TMEM50A: variants seen among roughly 807,000 people sequenced by gnomAD.
The protein encoded by TMEM50A is transmembrane protein 50A, also known as cervical cancer oncogene 9.
A neutral mutation model predicts 23.9 loss-of-function variants in TMEM50A; 8 were observed. That is an observed-to-expected ratio of 0.33 (90% CI 0.20 to 0.60). The LOEUF (loss-of-function observed/expected upper bound fraction) is 0.60, where lower values mean the gene tolerates loss of function less well. TMEM50A is among the 20% of genes least tolerant of loss of function. The pLI is 0.81. For missense variants in TMEM50A, 178 were observed against 192.7 expected (o/e 0.92, Z 0.45); for synonymous variants, 55 against 60.4 (o/e 0.91, Z 0.41).
chr1:25,350,031 A>G (rs1645260437), intron 3 of TMEM50A, among the ~76,000 whole-genome samples: 1 of 152,248 alleles, frequency 6.6e-6, no homozygotes, highest in Non-Finnish European at 1.5e-5. Context: ...GTGGTATGCT[A>G]TGAAGAGTTA....
At chr1:25,351,751 T>C in intron 4 of TMEM50A, 58 bp downstream of exon 4, 2 of 1,416,192 alleles carry the variant, frequency 1.4e-6, no homozygotes, top group South Asian at 2.5e-5. Flanking sequence ...GATGAGTATT[T>C]CACATGGAAA....
At chr1:25,360,586 C>T in intron 6 of TMEM50A, 74 bp from the exon 7 acceptor site, 1 of 1,535,676 alleles carries the variant, frequency 6.5e-7, no homozygotes, top group Non-Finnish European at 9.0e-7. Flanking sequence ...GTTTGTTTCA[C>T]ACCATTCTCG....
At chr1:25,348,301 A>AT (rs1645240640) in intron 3 of TMEM50A, among the ~76,000 whole-genome samples, 1 of 152,138 alleles carries the variant, frequency 6.6e-6, no homozygotes, top group Non-Finnish European at 1.5e-5. Context: ...TGACTTTATT[A>AT]TTTTTTCTCT....
chr1:25,358,645 T>C (rs924031459), intron 6 of TMEM50A, among the ~76,000 whole-genome samples: 6 of 152,350 alleles, frequency 3.9e-5, no homozygotes, highest in Admixed American at 3.3e-4. Context: ...CACAGCCTCT[T>C]TGGGTTATAC....
intron 2 of TMEM50A, among the ~76,000 whole-genome samples, chr1:25,342,114 G>A (rs1486474828): frequency 2.0e-5 from 3 of 152,126 alleles, no homozygotes; most frequent in Non-Finnish European, 2.9e-5. Context: ...GTTATTAATC[G>A]AGTATGGATC....
intron 4 of TMEM50A, among the ~76,000 whole-genome samples, chr1:25,352,502 A>G (rs995180438): frequency 1.3e-5 from 2 of 151,818 alleles, no homozygotes; most frequent in African/African-American, 4.8e-5. Context: ...CCTCAAAAAA[A>G]AAAAAAAAAA....
At chr1:25,353,099 C>T (rs577415221) in intron 5 of TMEM50A, 125 bp downstream of exon 5, 28 of 698,284 alleles carry the variant, frequency 4.0e-5, no homozygotes, top group African/African-American at 2.4e-4. Context: ...CATTTATATC[C>T]GGGACCCCCC....
chr1:25,341,035 T>G (rs1645161247), intron 2 of TMEM50A, among the ~76,000 whole-genome samples: 1 of 152,112 alleles, frequency 6.6e-6, no homozygotes, highest in South Asian at 2.1e-4. Flanking sequence ...CATGGCCCCT[T>G]AAAATTTTTT....
intron 3 of TMEM50A, among the ~76,000 whole-genome samples, chr1:25,350,694 C>G (rs528699233): frequency 3.3e-5 from 5 of 152,176 alleles, no homozygotes; most frequent in Non-Finnish European, 7.4e-5. Flanking sequence ...AGCCTCGTTC[C>G]CAAATTTTAA....
chr1:25,359,822 C>T (rs1645376352), intron 6 of TMEM50A, among the ~76,000 whole-genome samples: 1 of 152,148 alleles, frequency 6.6e-6, no homozygotes, highest in African/African-American at 2.4e-5. Context: ...TGTTTTTCCA[C>T]AAAAGCCCAT....
At chr1:25,358,159 G>A (rs3093637) in intron 6 of TMEM50A, among the ~76,000 whole-genome samples, 11,945 of 151,572 alleles carry the variant, frequency 0.079, 1,494 homozygotes, top group African/African-American at 0.27. Flanking sequence ...ATGTTAGCCA[G>A]GATGGTCTTG....
Position 25,360,766 on chromosome 1 carries a change from C to G in TMEM50A, c.*61C>G. The G allele has an allele frequency of 1.9e-6, 3 of 1,551,066 alleles. No individual in the cohort carries two copies. The highest frequency in any genetic ancestry group is 2.7e-6 in the Non-Finnish European group (3 of 1,127,572). On this transcript the variant is annotated 3_prime_UTR_variant, in exon 7 of 7. Transcript: ENST00000374358. ...TGGGTTTGTTTGTTTTTTTACTGCT[C>G]ACTCCCAACCTTTTGTAATGCCATT... is the stretch of plus-strand genomic sequence containing the variant.
At chr1:25,355,435 T>G (rs1275717318) in intron 5 of TMEM50A, among the ~76,000 whole-genome samples, 1 of 152,232 alleles carries the variant, frequency 6.6e-6, no homozygotes, top group Non-Finnish European at 1.5e-5. Context: ...TGATAATTCT[T>G]TCCCAGATAC....
intron 2 of TMEM50A, among the ~76,000 whole-genome samples, chr1:25,341,039 A>T (rs570524750): frequency 6.6e-6 from 1 of 151,828 alleles, no homozygotes; most frequent in Admixed American, 6.6e-5. Flanking sequence ...GCCCCTTAAA[A>T]TTTTTTTTTA....
chr1:25,341,155 G>GT (rs1158022470), intron 2 of TMEM50A, among the ~76,000 whole-genome samples: 1 of 152,072 alleles, frequency 6.6e-6, no homozygotes, highest in East Asian at 1.9e-4. Flanking sequence ...TCTGCTATTA[G>GT]TTTTTTATGA....
chr1:25,343,830 A>G (rs1645188376), intron 3 of TMEM50A, among the ~76,000 whole-genome samples: 1 of 152,222 alleles, frequency 6.6e-6, no homozygotes, highest in South Asian at 2.1e-4. Flanking sequence ...AGCAAGTACA[A>G]AGGCTTTACG....
rs572694023 is a variant in TMEM50A at position 25,341,535 on chromosome 1, C to T, written c.93+956C>T. On this transcript the variant is annotated intron_variant, in intron 2 of 6. Transcript: ENST00000374358. ...TGCTGGAATTACAGGTGTGAGCCAC[C>T]GCGCCTGGCCTTGCTCTTGTTTTAG... Among the ~76,000 whole-genome samples, 49 of 152,200 alleles carry T rather than the reference C, an allele frequency of 3.2e-4. 2 individuals are homozygous for T. Among genetic ancestry groups the T allele is most frequent in the African/African-American group, 9.1e-4 (38 of 41,534 alleles).
At chr1:25,351,531 T>C in intron 3 of TMEM50A, 95 bp from the exon 4 acceptor site, 1 of 1,072,014 alleles carries the variant, frequency 9.3e-7, no homozygotes, top group Non-Finnish European at 1.3e-6. Flanking sequence ...AAAAAGACTT[T>C]CAGGCCTAAC....
At chr1:25,357,549 G>GTGTGTGTGTGT (rs1196586884) in intron 6 of TMEM50A, among the ~76,000 whole-genome samples, 1 of 148,486 alleles carries the variant, frequency 6.7e-6, no homozygotes, top group Non-Finnish European at 1.5e-5. Context: ...GTGTGTGTGT[G>GTGTGTGTGTGT]TGTGTGTGTG....
Sources: allele counts gnomAD v4.1 joint callset (sites outside exome capture counted in the v4.1 genomes callset), GRCh38; gene constraint gnomAD v4.1.1; transcripts MANE v1.5; gene names NCBI Gene and HGNC (gene_info 2026-07-23, HGNC 2026-07-21).